Variants in PCMTD1 observed in about 807,000 individuals in gnomAD.
The protein encoded by PCMTD1 is protein-L-isoaspartate O-methyltransferase domain-containing protein 1.
A neutral mutation model predicts 37.6 loss-of-function variants in PCMTD1; 12 were observed. That is an observed-to-expected ratio of 0.32 (90% CI 0.20 to 0.52). PCMTD1 has a LOEUF of 0.52. Ranked by LOEUF, PCMTD1 falls within the 20% of genes least tolerant of loss-of-function variation. The pLI is 0.97. For synonymous variants in PCMTD1, 117 were observed against 135.8 expected (o/e 0.86, Z 0.96); for missense variants, 235 against 421.3 (o/e 0.56, Z 3.87).
chr8:51,827,037 A>G (rs1464914099), intron 5 of PCMTD1: 2 of 972,980 alleles, frequency 2.1e-6, no homozygotes, highest in South Asian at 4.7e-5. Context: ...GCGTTCTTTC[A>G]TATTTTAATT....
Position 51,826,553 on chromosome 8 carries a change from C to A in PCMTD1, c.706+4891G>T, listed in dbSNP as rs137856725. ...AAAATAAACTTTTACTCCAAAACTA[C>A]AGTTCAGGTTATCTCTAACACACAC... On this transcript the variant is annotated intron_variant, in intron 5 of 5. Transcript: ENST00000522514. Among the ~76,000 whole-genome samples the A allele has an allele frequency of 5.8e-4, 88 of 152,244 alleles. 1 individual carries two copies. In the East Asian group the frequency reaches 0.011, roughly 18 times the overall value.
intron 4 of PCMTD1, among the ~76,000 whole-genome samples, chr8:51,832,377 T>C (rs1250740370): frequency 2.6e-5 from 4 of 152,066 alleles, no homozygotes; most frequent in African/African-American, 9.7e-5. Context: ...TCTGCCTTTT[T>C]AATATCTGAC....
chr8:51,870,450 AC>A (rs2038623007), intron 1 of PCMTD1: 1 of 152,192 alleles, frequency 6.6e-6, no homozygotes. Flanking sequence ...AAATGGCTAA[AC>A]TAAGGTTCAC....
intron 1 of PCMTD1, among the ~76,000 whole-genome samples, chr8:51,870,788 G>T (rs1241145027): frequency 1.3e-5 from 2 of 152,170 alleles, no homozygotes; most frequent in Non-Finnish European, 2.9e-5. Context: ...TAGCTGAAAA[G>T]ATGTTCAATT....
At chr8:51,879,340 GA>G (rs2038759348) in intron 1 of PCMTD1, among the ~76,000 whole-genome samples, 1 of 151,832 alleles carries the variant, frequency 6.6e-6, no homozygotes, top group Admixed American at 6.6e-5. Context: ...AATGTAACAG[GA>G]AACTTATAAG....
chr8:51,853,932 C>A (rs2038344823), intron 2 of PCMTD1, among the ~76,000 whole-genome samples: 1 of 152,092 alleles, frequency 6.6e-6, no homozygotes, highest in Non-Finnish European at 1.5e-5. Flanking sequence ...TGTTAGTGAT[C>A]ATAAAAGCAG....
At position 51,819,180 on chromosome 8, in the gene PCMTD1, A is replaced by C. The variant is rs550637293; in HGVS notation, c.*1171T>G. The C allele has an allele frequency of 7.2e-5, 11 of 152,280 alleles. No individual in the cohort carries two copies. Among genetic ancestry groups the C allele is most frequent in the Non-Finnish European group, 1.5e-4 (10 of 68,024 alleles). 9.4% of individuals were successfully genotyped at this position (152,280 alleles called of 1,614,324 possible). On this transcript the variant is annotated 3_prime_UTR_variant, in exon 6 of 6. Coordinates refer to ENST00000522514, the MANE Select transcript of PCMTD1 (RefSeq NM_052937.4). Reference sequence around the variant, plus strand: ...AAAACCATTATAGTTTTACCAAAAGAAACACAAAAAATATGGGAAGGAGTG... The same window carrying C: ...AAAACCATTATAGTTTTACCAAAAGCAACACAAAAAATATGGGAAGGAGTG...
chr8:51,852,282 A>T (rs78868310), intron 2 of PCMTD1, among the ~76,000 whole-genome samples: 1 of 152,298 alleles, frequency 6.6e-6, no homozygotes, highest in African/African-American at 2.4e-5. Context: ...TACAGTCTCA[A>T]ATTTAAAAGG....
intron 4 of PCMTD1, among the ~76,000 whole-genome samples, chr8:51,833,124 C>T (rs118116154): frequency 0.12 from 17,873 of 152,148 alleles, 1,287 homozygotes; most frequent in East Asian, 0.17. Flanking sequence ...AGATTACAGG[C>T]GTGAGCCAGC....
At chr8:51,875,807 C>G (rs956469893) in intron 1 of PCMTD1, among the ~76,000 whole-genome samples, 1 of 152,078 alleles carries the variant, frequency 6.6e-6, no homozygotes, top group Admixed American at 6.6e-5. Context: ...TGGCACATAC[C>G]TGCAGTCCCA....
At chr8:51,849,607 T>C (rs1006787026) in intron 2 of PCMTD1, 2 of 152,798 alleles carry the variant, frequency 1.3e-5, no homozygotes, top group African/African-American at 4.8e-5. Context: ...ATTTTTAAGG[T>C]TGACAAACCC....
At chr8:51,836,900 C>A (rs945864727) in intron 3 of PCMTD1, among the ~76,000 whole-genome samples, 2 of 152,116 alleles carry the variant, frequency 1.3e-5, no homozygotes, top group Non-Finnish European at 2.9e-5. Flanking sequence ...TGTAGTAATA[C>A]AATGGTTTAT....
At chr8:51,869,115 GATT>G (rs2038602497) in intron 1 of PCMTD1, among the ~76,000 whole-genome samples, 1 of 152,076 alleles carries the variant, frequency 6.6e-6, no homozygotes, top group African/African-American at 2.4e-5. Flanking sequence ...TATTAGAATT[GATT>G]ATAATTGATG....
chr8:51,864,459 TTA>T (rs1458489805), intron 1 of PCMTD1, among the ~76,000 whole-genome samples: 5 of 152,174 alleles, frequency 3.3e-5, no homozygotes, highest in Non-Finnish European at 5.9e-5. Flanking sequence ...CCAGGATATA[TTA>T]TATGTTTGTC....
chr8:51,831,396 A>G, intron 5 of PCMTD1, 48 bp downstream of exon 5: 1 of 1,574,454 alleles, frequency 6.4e-7, no homozygotes, highest in Non-Finnish European at 8.7e-7. Context: ...CATAAAAGCC[A>G]AACACCATAA....
At position 51,818,942 on chromosome 8, in the gene PCMTD1, T is replaced by C. The variant is rs1242785842; in HGVS notation, c.*1409A>G. The C allele has an allele frequency of 2.2e-4, 2 of 8,956 alleles. No individual in the cohort carries two copies. The highest frequency in any genetic ancestry group is 2.0e-3 in the East Asian group (1 of 490). 0.6% of individuals were successfully genotyped at this position (8,956 alleles called of 1,614,324 possible). ...TAATAATGCTGGTGGTAGTCCATGA[T>C]ACTCTCAAATTTTTCCCTTTAAGAA... On this transcript the variant is annotated 3_prime_UTR_variant, in exon 6 of 6. Transcript: ENST00000522514.
Position 51,867,476 on chromosome 8 carries a change from GGTGTGTGTGTGTGTGT to G in PCMTD1, c.-95-6246_-95-6231del, listed in dbSNP as rs59206546. On this transcript the variant is annotated intron_variant, in intron 1 of 5. Transcript: ENST00000522514. ...CATCAGAGGAATGGGTAAAGAAAAT[GGTGTGTGTGTGTGTGT>G]GTGTGTGTGTGTGTGTGTGTGTGTG... Among the ~76,000 whole-genome samples, 61 of 141,588 alleles carry G rather than the reference GGTGTGTGTGTGTGTGT, an allele frequency of 4.3e-4. 2 individuals carry two copies. The highest frequency in any genetic ancestry group is 1.9e-3 in the Admixed American group (26 of 14,020). 92.9% of individuals were successfully genotyped at this position (141,588 alleles called of 152,430 possible). A position where few individuals can be genotyped will look rare whatever the true frequency, so the allele number is the denominator to read the frequency against.
chr8:51,837,777 C>CTATT (rs1002841834), intron 3 of PCMTD1, among the ~76,000 whole-genome samples: 1 of 151,836 alleles, frequency 6.6e-6, no homozygotes, highest in Non-Finnish European at 1.5e-5. Context: ...ACTTATCTAT[C>CTATT]TATTTATTTA....
At chr8:51,833,744 A>G (rs2038028941) in intron 3 of PCMTD1, 55 bp from the exon 4 acceptor site, 4 of 1,459,578 alleles carry the variant, frequency 2.7e-6, no homozygotes, top group Non-Finnish European at 3.7e-6. Context: ...AGATCTAAAA[A>G]ATTTACCATA....
Sources: allele counts gnomAD v4.1 joint callset (sites outside exome capture counted in the v4.1 genomes callset), GRCh38; gene constraint gnomAD v4.1.1; transcripts MANE v1.5; gene names NCBI Gene and HGNC (gene_info 2026-07-23, HGNC 2026-07-21).